The following LRRC4C variants were observed in gnomAD, a reference collection of about 807,000 sequenced individuals.
LRRC4C encodes leucine rich repeat containing 4C, also known as leucine-rich repeat-containing protein 4C.
In LRRC4C, 5 loss-of-function variants were observed where a neutral mutation model predicts 33.6. That is an observed-to-expected ratio of 0.15 (90% CI 0.08 to 0.31). LRRC4C has a LOEUF of 0.31. Ranked by LOEUF, LRRC4C falls within the 10% of genes least tolerant of loss-of-function variation. The pLI, the probability that LRRC4C is intolerant of heterozygous loss-of-function variation, is 1.00. For synonymous variants in LRRC4C, 329 were observed against 302.0 expected (o/e 1.09, Z -0.93); for missense variants, 560 against 796.7 (o/e 0.70, Z 3.58).
At chr11:40,385,887 T>TAAATAAATAAATAAATA (rs529477379) in intron 3 of LRRC4C, among the ~76,000 whole-genome samples, 28 of 147,944 alleles carry the variant, frequency 1.9e-4, no homozygotes, top group Admixed American at 2.7e-4. Flanking sequence ...AATAAATAAA[T>TAAATAAATAAATAAATA]AAATAAAATA....
chr11:40,591,323 C>T (rs1007090169), intron 3 of LRRC4C, among the ~76,000 whole-genome samples: 6 of 152,172 alleles, frequency 3.9e-5, no homozygotes, highest in African/African-American at 7.2e-5. Context: ...GGCAATGCCT[C>T]GCCCTGCTTC....
intron 1 of LRRC4C, among the ~76,000 whole-genome samples, chr11:41,197,465 T>C (rs1422496891): frequency 6.6e-6 from 1 of 152,030 alleles, no homozygotes; most frequent in Admixed American, 6.6e-5. Flanking sequence ...CACATCACTG[T>C]GTCCTGTTCT....
At chr11:41,316,044 C>T (rs1047206608) in intron 1 of LRRC4C, among the ~76,000 whole-genome samples, 7 of 152,136 alleles carry the variant, frequency 4.6e-5, no homozygotes, top group Middle Eastern at 3.4e-3. Context: ...TGTATATATA[C>T]TTCAGAGCCT....
At chr11:40,943,361 C>T (rs1347714345) in intron 1 of LRRC4C, among the ~76,000 whole-genome samples, 2 of 152,292 alleles carry the variant, frequency 1.3e-5, no homozygotes, top group African/African-American at 4.8e-5. Context: ...CAGTTCTCAG[C>T]TGCTTGACTT....
chr11:40,160,267 G>A (rs1167382833), intron 5 of LRRC4C, among the ~76,000 whole-genome samples: 6 of 151,884 alleles, frequency 4.0e-5, no homozygotes, highest in Non-Finnish European at 7.4e-5. Context: ...CAATTTTGTA[G>A]AGAGTAGCTT....
chr11:40,249,323 G>C (rs1342917729), intron 4 of LRRC4C, among the ~76,000 whole-genome samples: 1 of 152,060 alleles, frequency 6.6e-6, no homozygotes, highest in Non-Finnish European at 1.5e-5. Flanking sequence ...TGGCCAGAGA[G>C]TGAGACTCCA....
rs1362990776 is a variant in LRRC4C at position 40,591,224 on chromosome 11, G to T, written c.-270+56918C>A. Among the ~76,000 whole-genome samples the T allele has an allele frequency of 2.0e-5, 3 of 152,270 alleles. No homozygotes were observed. The East Asian group carries it at 5.8e-4, about 29-fold the overall frequency. On this transcript the variant is annotated intron_variant, in intron 3 of 6. Coordinates refer to ENST00000528697, the MANE Select transcript of LRRC4C (RefSeq NM_001258419.2). ...CGTCGGAAAAGCGCAGTATTCGGGT[G>T]GGAGCGACCCGATTTTCCAGGTGCC... is the stretch of plus-strand genomic sequence containing the variant.
At chr11:40,269,817 C>T (rs1269865202) in intron 4 of LRRC4C, among the ~76,000 whole-genome samples, 6 of 46,542 alleles carry the variant, frequency 1.3e-4, no homozygotes, top group African/African-American at 1.7e-4. Context: ...AAATTAGGGG[C>T]GGGGGCGGGC....
At chr11:41,233,967 CT>C (rs34427207) in intron 1 of LRRC4C, among the ~76,000 whole-genome samples, 1,727 of 139,906 alleles carry the variant, frequency 0.012, 12 homozygotes, top group African/African-American at 0.029. Context: ...TCTCCAAAAG[CT>C]TTTTTTTTTT....
At position 40,288,054 on chromosome 11, in the gene LRRC4C, G is replaced by A. The variant is rs1043150201; in HGVS notation, c.-176+31574C>T. ...TGCATTTATTGAATGCTTGCTGTGCGTGGCATATGCAATCTGATCTCATCC... is the reference window on the plus strand; with the variant it reads ...TGCATTTATTGAATGCTTGCTGTGCATGGCATATGCAATCTGATCTCATCC... On this transcript the variant is annotated intron_variant, in intron 4 of 6. Transcript: ENST00000528697. 3.7e-4 allele frequency among the ~76,000 whole-genome samples: 56 copies of A among 152,250 alleles called. 1 individual carries two copies. Among genetic ancestry groups the A allele is most frequent in the African/African-American group, 1.3e-3 (54 of 41,548 alleles).
chr11:41,118,651 A>G (rs1046566475), intron 1 of LRRC4C, among the ~76,000 whole-genome samples: 3 of 152,180 alleles, frequency 2.0e-5, no homozygotes, highest in Non-Finnish European at 2.9e-5. Flanking sequence ...CTTCTCTGAA[A>G]AGACAAATCA....
chr11:40,672,307 C>T (rs549531435), intron 2 of LRRC4C, among the ~76,000 whole-genome samples: 2 of 152,206 alleles, frequency 1.3e-5, no homozygotes, highest in East Asian at 1.9e-4. Flanking sequence ...ATCCATGAGA[C>T]GTCCATCCTT....
chr11:41,443,596 TTC>T (rs1187510727), intron 1 of LRRC4C, among the ~76,000 whole-genome samples: 1 of 151,774 alleles, frequency 6.6e-6, no homozygotes, highest in Non-Finnish European at 1.5e-5. Flanking sequence ...TTCTTTTCTT[TTC>T]TCTCTTTCTT....
At position 40,696,748 on chromosome 11, in the gene LRRC4C, G is replaced by GTGTA. The variant is rs368234307; in HGVS notation, c.-406-48471_-406-48470insTACA. 9.4e-3 allele frequency among the ~76,000 whole-genome samples: 1,176 copies of GTGTA among 125,748 alleles called. 13 individuals carry two copies. Among genetic ancestry groups the GTGTA allele is most frequent in the South Asian group, 0.035 (142 of 4,066 alleles). The allele number at this position is 125,748 out of a possible 152,430, so 82.5% of individuals were successfully genotyped here. On this transcript the variant is annotated intron_variant, in intron 2 of 6. Transcript: ENST00000528697. ...GTCTCTGTGCATATATATACACTGT[G>GTGTA]TATATATATATATATATATATATAT...
chr11:41,313,274 A>T (rs1369649156), intron 1 of LRRC4C, among the ~76,000 whole-genome samples: 1 of 152,208 alleles, frequency 6.6e-6, no homozygotes, highest in African/African-American at 2.4e-5. Flanking sequence ...GTATTGAACC[A>T]ACAATGTCTA....
At chr11:41,105,065 A>G (rs1347254053) in intron 1 of LRRC4C, among the ~76,000 whole-genome samples, 2 of 151,990 alleles carry the variant, frequency 1.3e-5, no homozygotes, top group African/African-American at 2.4e-5. Flanking sequence ...TTTAAAATAA[A>G]TGGGTTTATT....
chr11:41,110,118 T>C (rs11036236), intron 1 of LRRC4C, among the ~76,000 whole-genome samples: 53,265 of 151,880 alleles, frequency 0.35, 10,628 homozygotes, highest in South Asian at 0.45. Flanking sequence ...TGCTTATCTA[T>C]ATTTAAGTGG....
chr11:40,685,137 C>T (rs1944894422), intron 2 of LRRC4C, among the ~76,000 whole-genome samples: 2 of 151,800 alleles, frequency 1.3e-5, no homozygotes, highest in African/African-American at 4.8e-5. Context: ...TCAGATTGAC[C>T]TGCTAAAAAA....
At chr11:41,143,860 A>G (rs538713653) in intron 1 of LRRC4C, among the ~76,000 whole-genome samples, 1 of 152,328 alleles carries the variant, frequency 6.6e-6, no homozygotes, top group Admixed American at 6.5e-5. Flanking sequence ...TTGCAAGCGT[A>G]TCCTCTGTTT....
Sources: allele counts gnomAD v4.1 joint callset (sites outside exome capture counted in the v4.1 genomes callset), GRCh38; gene constraint gnomAD v4.1.1; transcripts MANE v1.5; gene names NCBI Gene and HGNC (gene_info 2026-07-23, HGNC 2026-07-21).